IKZF2: variants seen among roughly 807,000 people sequenced by gnomAD.
IKZF2 encodes the protein zinc finger protein Helios.
In IKZF2, 15 loss-of-function variants were observed where a neutral mutation model predicts 49.2. That is an observed-to-expected ratio of 0.30 (90% CI 0.20 to 0.47). The LOEUF (loss-of-function observed/expected upper bound fraction) is 0.47. Among genes scored for constraint, IKZF2 ranks in the 20% least tolerant of loss-of-function variants. The pLI is 1.00. For synonymous variants in IKZF2, 227 were observed against 221.4 expected (o/e 1.03, Z -0.23); for missense variants, 567 against 664.6 (o/e 0.85, Z 1.61).
intron 5 of IKZF2, among the ~76,000 whole-genome samples, chr2:213,052,626 T>C (rs1700778546): frequency 6.6e-6 from 1 of 152,036 alleles, no homozygotes; most frequent in South Asian, 2.1e-4. Context: ...TCAAAGACAA[T>C]ACTGTTAGAA....
At chr2:213,060,790 C>T (rs1701607028) in intron 4 of IKZF2, among the ~76,000 whole-genome samples, 1 of 151,394 alleles carries the variant, frequency 6.6e-6, no homozygotes. Flanking sequence ...GTTGTAATGG[C>T]ACTTCTATTT....
At chr2:213,032,166 T>C (rs10445814) in intron 6 of IKZF2, among the ~76,000 whole-genome samples, 35,327 of 152,078 alleles carry the variant, frequency 0.23, 4,573 homozygotes, top group Non-Finnish European at 0.28. Context: ...ACAGAAAGGC[T>C]AGTAAGAATT....
chr2:213,097,302 T>C (rs1706118146), intron 4 of IKZF2, among the ~76,000 whole-genome samples: 2 of 151,960 alleles, frequency 1.3e-5, no homozygotes, highest in Non-Finnish European at 2.9e-5. Context: ...TTAATAATCA[T>C]ATCTAAAGAA....
chr2:213,088,110 A>G (rs540150664), intron 4 of IKZF2, among the ~76,000 whole-genome samples: 2 of 152,328 alleles, frequency 1.3e-5, no homozygotes, highest in South Asian at 4.1e-4. Context: ...GAACTAGTTT[A>G]CAGTCCCAGC....
chr2:213,127,288 T>C (rs1247615782), intron 4 of IKZF2, among the ~76,000 whole-genome samples: 1 of 152,188 alleles, frequency 6.6e-6, no homozygotes, highest in Admixed American at 6.5e-5. Context: ...AGTACATTAG[T>C]TGAGGTCATG....
chr2:213,058,003 A>G (rs1281249871), intron 4 of IKZF2, among the ~76,000 whole-genome samples: 6 of 152,174 alleles, frequency 3.9e-5, no homozygotes, highest in Non-Finnish European at 8.8e-5. Context: ...AGTGAGTATC[A>G]GTTTTTTATC....
chr2:213,128,370 T>TGA (rs2125879143), intron 4 of IKZF2, among the ~76,000 whole-genome samples: 1 of 152,290 alleles, frequency 6.6e-6, no homozygotes, highest in East Asian at 1.9e-4. Context: ...ATTTTACAGC[T>TGA]GAAGGAACTA....
chr2:213,080,703 T>C (rs1703851336), intron 4 of IKZF2, among the ~76,000 whole-genome samples: 1 of 152,192 alleles, frequency 6.6e-6, no homozygotes, highest in South Asian at 2.1e-4. Flanking sequence ...AACATTAATC[T>C]TTAAATCACT....
At chr2:213,035,997 G>A (rs922571064) in intron 6 of IKZF2, among the ~76,000 whole-genome samples, 7 of 151,896 alleles carry the variant, frequency 4.6e-5, no homozygotes, top group Non-Finnish European at 7.4e-5. Context: ...TAGTTATCAA[G>A]GTATGATTTT....
At chr2:213,018,526 C>A (rs191434923) in intron 7 of IKZF2, among the ~76,000 whole-genome samples, 57 of 152,202 alleles carry the variant, frequency 3.7e-4, no homozygotes, top group African/African-American at 1.4e-3. Flanking sequence ...TCACACCATA[C>A]CCCCTGCCCC....
chr2:213,018,211 A>G (rs777902238), intron 7 of IKZF2, among the ~76,000 whole-genome samples: 19 of 152,168 alleles, frequency 1.2e-4, no homozygotes, highest in Non-Finnish European at 2.6e-4. Context: ...GATAATATTG[A>G]ACAAGATAAT....
chr2:213,111,591 C>T (rs1418413063), intron 4 of IKZF2, among the ~76,000 whole-genome samples: 1 of 151,978 alleles, frequency 6.6e-6, no homozygotes, highest in Admixed American at 6.6e-5. Flanking sequence ...TTGGCAGTTT[C>T]GTCCAGCACA....
intron 4 of IKZF2, among the ~76,000 whole-genome samples, chr2:213,087,348 G>A (rs1055531598): frequency 7.2e-5 from 11 of 152,156 alleles, no homozygotes; most frequent in East Asian, 3.9e-4. Flanking sequence ...TTCCTCACAC[G>A]TACGCATAAA....
At chr2:213,084,710 T>A (rs1463065888) in intron 4 of IKZF2, among the ~76,000 whole-genome samples, 1 of 152,090 alleles carries the variant, frequency 6.6e-6, no homozygotes, top group African/African-American at 2.4e-5. Context: ...CTTTTACACA[T>A]GAAAAAATAT....
At chr2:213,078,051 T>C (rs936038304) in intron 4 of IKZF2, among the ~76,000 whole-genome samples, 15 of 152,254 alleles carry the variant, frequency 9.9e-5, no homozygotes, top group Middle Eastern at 3.4e-3. Context: ...ATGATCCTAC[T>C]AAGGATCCCA....
At chr2:213,132,412 C>A (rs895542975) in intron 4 of IKZF2, among the ~76,000 whole-genome samples, 13 of 151,886 alleles carry the variant, frequency 8.6e-5, no homozygotes, top group Non-Finnish European at 1.9e-4. Flanking sequence ...AAACTTCACT[C>A]AGGAAAATGT....
intron 4 of IKZF2, among the ~76,000 whole-genome samples, chr2:213,064,402 T>C (rs1701980257): frequency 6.6e-6 from 1 of 151,958 alleles, no homozygotes; most frequent in African/African-American, 2.4e-5. Context: ...ACCAAAAAGT[T>C]TCCTCCCTAC....
chr2:213,080,472 G>T (rs1703825455), intron 4 of IKZF2, among the ~76,000 whole-genome samples: 1 of 152,078 alleles, frequency 6.6e-6, no homozygotes, highest in Admixed American at 6.6e-5. Context: ...CAACAGTTAT[G>T]AAACTGCAAC....
At chr2:213,099,816 C>T (rs1030254447) in intron 4 of IKZF2, among the ~76,000 whole-genome samples, 3 of 152,038 alleles carry the variant, frequency 2.0e-5, no homozygotes, top group African/African-American at 7.2e-5. Flanking sequence ...TAATAAGGAA[C>T]CTATCCCGTT....
Sources: gnomAD v4.1 joint callset for allele counts (sites outside exome capture counted in the v4.1 genomes callset) on GRCh38, gnomAD v4.1.1 for gene constraint, MANE v1.5 for transcripts, NCBI Gene and HGNC (gene_info 2026-07-23, HGNC 2026-07-21) for gene names.